Variants in LRRC8C observed in about 807,000 individuals in gnomAD.
LRRC8C encodes the protein volume-regulated anion channel subunit LRRC8C.
A neutral mutation model predicts 55.3 loss-of-function variants in LRRC8C; 20 were observed. The observed-to-expected ratio is 0.36, with a 90% CI of 0.25 to 0.53. The LOEUF (loss-of-function observed/expected upper bound fraction) is 0.53, where lower values mean the gene tolerates loss of function less well. LRRC8C is among the 20% of genes least tolerant of loss of function. The pLI is 0.92. For synonymous variants in LRRC8C, 376 were observed against 360.7 expected (o/e 1.04, Z -0.48); for missense variants, 659 against 951.4 (o/e 0.69, Z 4.04).
rs540619861 is a variant in LRRC8C, at chr1:89,714,370, C to T, written c.1800C>T (p.Asp600=). The T allele has an allele frequency of 4.3e-6, 7 of 1,614,114 alleles. No individual in the cohort carries two copies. In the African/African-American group the frequency reaches 6.7e-5, roughly 15 times the overall value. The change falls in exon 3 of 3, where the codon GAC becomes GAT. Residue 600 remains aspartate (D), a synonymous_variant. Transcript: ENST00000370454. The surrounding 1 kb of genome is among the most constrained non-coding windows in gnomAD (Gnocchi z 4.6). Reference sequence around the variant, plus strand: ...CAGAGCTGGAGCTGGTCCACTGTGACCTGGAGCGTATTCCTCATGCTGTGT... The same window carrying T: ...CAGAGCTGGAGCTGGTCCACTGTGATCTGGAGCGTATTCCTCATGCTGTGT... ...NLTELELVHC[D]LERIPHAVFS... is the part of the protein sequence containing the mutation.
chr1:89,637,054 T>C (rs6702542), intron 1 of LRRC8C, among the ~76,000 whole-genome samples: 2,350 of 152,234 alleles, frequency 0.015, 58 homozygotes, highest in African/African-American at 0.054. Flanking sequence ...TGAGACTTGT[T>C]CAACCGAGGC....
At chr1:89,642,776 G>A (rs1230505643) in intron 1 of LRRC8C, among the ~76,000 whole-genome samples, 1 of 152,070 alleles carries the variant, frequency 6.6e-6, no homozygotes, top group Non-Finnish European at 1.5e-5. Context: ...AAACCCGGGA[G>A]GTGGAGGTTG....
chr1:89,700,388 C>T (rs1658286645), intron 2 of LRRC8C, among the ~76,000 whole-genome samples: 1 of 152,172 alleles, frequency 6.6e-6, no homozygotes, highest in Admixed American at 6.5e-5. Flanking sequence ...ATTGCAAGTG[C>T]TTTTAGAACA....
At chr1:89,673,127 G>A (rs1286150198) in intron 1 of LRRC8C, among the ~76,000 whole-genome samples, 2 of 151,796 alleles carry the variant, frequency 1.3e-5, no homozygotes, top group Admixed American at 1.3e-4. Context: ...TTTTCTACTT[G>A]TCTAAAGTTT....
At chr1:89,625,201 G>A in the LRRC8C span, 1 of 152,176 alleles carries the variant, frequency 6.6e-6, no homozygotes, top group Non-Finnish European at 1.5e-5. Flanking sequence ...ATTACTGACT[G>A]AAATCTAAGG....
At chr1:89,638,041 A>G (rs1656343506) in intron 1 of LRRC8C, among the ~76,000 whole-genome samples, 1 of 152,230 alleles carries the variant, frequency 6.6e-6, no homozygotes, top group Non-Finnish European at 1.5e-5. Flanking sequence ...CAAAATTCAG[A>G]AATCAATTTT....
chr1:89,667,589 G>A (rs1268252236), intron 1 of LRRC8C, among the ~76,000 whole-genome samples: 1 of 152,176 alleles, frequency 6.6e-6, no homozygotes, highest in Admixed American at 6.5e-5. Flanking sequence ...AAGCAGAGCA[G>A]TAATAGAGCT....
At chr1:89,680,343 C>T (rs1657668411) in intron 1 of LRRC8C, among the ~76,000 whole-genome samples, 1 of 152,078 alleles carries the variant, frequency 6.6e-6, no homozygotes, top group South Asian at 2.1e-4. Flanking sequence ...TCCCAAAGTG[C>T]TGGGATTACA....
chr1:89,679,510 C>T (rs565404812), intron 1 of LRRC8C, among the ~76,000 whole-genome samples: 5 of 152,212 alleles, frequency 3.3e-5, no homozygotes, highest in African/African-American at 1.2e-4. Flanking sequence ...GCCAAGATCA[C>T]GCCACTGCAC....
intron 1 of LRRC8C, among the ~76,000 whole-genome samples, chr1:89,641,465 T>G (rs1229568527): frequency 6.6e-6 from 1 of 152,138 alleles, no homozygotes; most frequent in Admixed American, 6.5e-5. Context: ...AATCAGAAAA[T>G]TGCTTAATTA....
intron 1 of LRRC8C, among the ~76,000 whole-genome samples, chr1:89,683,926 T>C (rs1186180883): frequency 2.0e-5 from 3 of 152,170 alleles, no homozygotes; most frequent in Admixed American, 2.0e-4. Context: ...GAAGCAGATA[T>C]ATCTTCTATT....
chr1:89,630,969 T>G (rs1180605805), upstream of LRRC8C, among the ~76,000 whole-genome samples: 3 of 152,210 alleles, frequency 2.0e-5, no homozygotes, highest in Non-Finnish European at 4.4e-5. Flanking sequence ...ACTACCCAGT[T>G]GATCCAATTA....
chr1:89,698,912 G>C (rs550030751), intron 2 of LRRC8C, among the ~76,000 whole-genome samples: 1 of 151,844 alleles, frequency 6.6e-6, no homozygotes, highest in South Asian at 2.1e-4. Flanking sequence ...TCCTGGCCAT[G>C]ATATAAATGT....
upstream of LRRC8C, among the ~76,000 whole-genome samples, chr1:89,631,097 C>T (rs1656094855): frequency 6.6e-6 from 1 of 152,160 alleles, no homozygotes; most frequent in Non-Finnish European, 1.5e-5. Flanking sequence ...GGTTCTTTTG[C>T]TTTCAGTGAA....
At chr1:89,711,745 CGTT>C (rs1459861169) in intron 2 of LRRC8C, among the ~76,000 whole-genome samples, 2 of 152,172 alleles carry the variant, frequency 1.3e-5, no homozygotes, top group Non-Finnish European at 2.9e-5. Flanking sequence ...CAAACTGAAA[CGTT>C]GGTGGAAGGA....
At chr1:89,699,456 G>A (rs566410097) in intron 2 of LRRC8C, among the ~76,000 whole-genome samples, 45 of 152,252 alleles carry the variant, frequency 3.0e-4, no homozygotes, top group Non-Finnish European at 5.7e-4. Context: ...TAATGGGGAG[G>A]GCTATACATG....
chr1:89,683,036 A>G (rs1657765104), intron 1 of LRRC8C, among the ~76,000 whole-genome samples: 1 of 152,238 alleles, frequency 6.6e-6, no homozygotes, highest in African/African-American at 2.4e-5. Context: ...CAGCAATAAA[A>G]TTCAAACTTT....
At chr1:89,681,616 A>G (rs1231283092) in intron 1 of LRRC8C, among the ~76,000 whole-genome samples, 1 of 152,186 alleles carries the variant, frequency 6.6e-6, no homozygotes, top group Non-Finnish European at 1.5e-5. Flanking sequence ...GGTGGCAGGC[A>G]AGAGAGTGTG....
In LRRC8C at chr1:89,686,365, A is replaced by C. The variant is rs1319291883; in HGVS notation, c.-4-105A>C. The C allele has an allele frequency of 5.1e-6, 6 of 1,167,480 alleles. No individual in the cohort carries two copies. The East Asian group carries it at 1.4e-4, about 28-fold the overall frequency. 72.3% of individuals were successfully genotyped at this position (1,167,480 alleles called of 1,614,324 possible). On this transcript the variant is annotated intron_variant, in intron 1 of 2. Coordinates refer to ENST00000370454, the MANE Select transcript of LRRC8C (RefSeq NM_032270.5). The stretch of plus-strand genomic sequence containing the variant: ...ATTGATGTGTCTTGACAGCTCTTGA[A>C]CTAATTCAGACCTCTGCTGTGAGGA...
Sources: gnomAD v4.1 joint callset for allele counts (sites outside exome capture counted in the v4.1 genomes callset) on GRCh38, gnomAD v4.1.1 for gene constraint, Gnocchi (gnomAD v3.1) non-coding constraint, MANE v1.5 for transcripts, NCBI Gene and HGNC (gene_info 2026-07-23, HGNC 2026-07-21) for gene names.